NTSR1: variants seen among roughly 807,000 people sequenced by gnomAD.
The protein encoded by NTSR1 is neurotensin receptor type 1.
A neutral mutation model predicts 31.2 loss-of-function variants in NTSR1; 29 were observed. The observed-to-expected ratio is 0.93, with a 90% CI of 0.69 to 1.27. The LOEUF is 1.27. NTSR1 is among the 50% of genes most tolerant of loss of function. The probability of loss-of-function intolerance (pLI) is 0.00; values close to 1 mark genes in which losing one functional copy is unlikely to be tolerated. For missense variants in NTSR1, 697 were observed against 595.4 expected, an observed-to-expected ratio of 1.17 and a Z score of -1.78; for synonymous variants, 282 against 269.9, an observed-to-expected ratio of 1.04 and a Z score of -0.44.
chr20:62,720,661 C>A (rs1988814903), intron 1 of NTSR1, among the ~76,000 whole-genome samples: 1 of 151,484 alleles, frequency 6.6e-6, no homozygotes, highest in South Asian at 2.1e-4. Context: ...TTTCTTTCTT[C>A]ATTTCCTTTT....
intron 1 of NTSR1, among the ~76,000 whole-genome samples, chr20:62,736,047 C>T (rs924119172): frequency 2.4e-4 from 37 of 152,244 alleles, no homozygotes; most frequent in Admixed American, 2.2e-3. Context: ...TTTCATCCCT[C>T]GATAGAAATC....
chr20:62,717,871 G>A (rs1035155867), intron 1 of NTSR1, among the ~76,000 whole-genome samples: 7 of 152,156 alleles, frequency 4.6e-5, no homozygotes, highest in Non-Finnish European at 1.0e-4. Flanking sequence ...GAAAATAAGC[G>A]AAATAAATAG....
chr20:62,742,027 G>A lies in NTSR1; in HGVS notation c.715-12658G>A, dbSNP rs896929561. Reference sequence around the variant, plus strand: ...AGTATGTGTAGACCCCAGGACAGTCGATGTCAGCTAGAAAGTGAAGGTTAG... The same window carrying A: ...AGTATGTGTAGACCCCAGGACAGTCAATGTCAGCTAGAAAGTGAAGGTTAG... On this transcript the variant is annotated intron_variant, in intron 1 of 3. Transcript: ENST00000370501. The surrounding 1 kb of genome is among the most constrained non-coding windows in gnomAD (Gnocchi z 7.1). 6.0e-5 allele frequency among the ~76,000 whole-genome samples: 9 copies of A among 149,514 alleles called. No homozygotes were observed. Among genetic ancestry groups the A allele is most frequent in the African/African-American group, 2.0e-4 (8 of 40,046 alleles).
In NTSR1 at chr20:62,742,517, G is replaced by A. The variant is rs1406029579; in HGVS notation, c.715-12168G>A. ...GAAAGAGACTGGGGACTGAGGGACA[G>A]CACAGTATCCCAAGCTGGCCACTAC... On this transcript the variant is annotated intron_variant, in intron 1 of 3. Coordinates refer to ENST00000370501, the MANE Select transcript of NTSR1 (RefSeq NM_002531.3). The surrounding 1 kb of genome is among the most constrained non-coding windows in gnomAD (Gnocchi z 7.1). Among the ~76,000 whole-genome samples the A allele has an allele frequency of 1.3e-5, 2 of 149,546 alleles. No homozygotes were observed. The highest frequency in any genetic ancestry group is 2.9e-5 in the Non-Finnish European group (2 of 68,032).
Position 62,760,286 on chromosome 20 carries a change from T to C in NTSR1, c.*19T>C, listed in dbSNP as rs1327127536. On this transcript the variant is annotated 3_prime_UTR_variant, in exon 4 of 4. Transcript: ENST00000370501. ...GTACTAGGCTGTGCGCCCCGGAACG[T>C]GTCCAGGAGGAGCCTGGCCATGGGT... The C allele has an allele frequency of 1.9e-6, 3 of 1,587,718 alleles. No individual in the cohort carries two copies. The highest frequency in any genetic ancestry group is 2.6e-6 in the Non-Finnish European group (3 of 1,165,024).
At chr20:62,739,949 TG>T (rs1989173029) in intron 1 of NTSR1, among the ~76,000 whole-genome samples, 1 of 152,232 alleles carries the variant, frequency 6.6e-6, no homozygotes, top group Non-Finnish European at 1.5e-5. Context: ...TAAGTCGTGC[TG>T]GGACTGCTGG....
intron 1 of NTSR1, among the ~76,000 whole-genome samples, chr20:62,737,251 CGTACTGCTATGGCTGT>C (rs929954511): frequency 6.9e-4 from 105 of 152,328 alleles, no homozygotes; most frequent in African/African-American, 2.4e-3. Context: ...TGCTCATGTA[CGTACTGCTATGGCTGT>C]GTTGGCCACA....
chr20:62,722,761 A>G (rs1988844564), intron 1 of NTSR1, among the ~76,000 whole-genome samples: 1 of 152,232 alleles, frequency 6.6e-6, no homozygotes, highest in Non-Finnish European at 1.5e-5. Flanking sequence ...CAGGGTCTGA[A>G]AACAACTGCC....
Position 62,744,421 on chromosome 20 carries a change from G to A in NTSR1, c.715-10264G>A, listed in dbSNP as rs759452560. Among the ~76,000 whole-genome samples the A allele has an allele frequency of 9.9e-5, 15 of 152,130 alleles. No homozygotes were observed. Among genetic ancestry groups the A allele is most frequent in the African/African-American group, 2.9e-4 (12 of 41,422 alleles). ...TACAAAAAAATTAGCCAGGCATGGCGGCGTGCACCTGTAGTCCCAGCTACT... is the reference window on the plus strand; with the variant it reads ...TACAAAAAAATTAGCCAGGCATGGCAGCGTGCACCTGTAGTCCCAGCTACT... On this transcript the variant is annotated intron_variant, in intron 1 of 3. Coordinates refer to ENST00000370501, the MANE Select transcript of NTSR1 (RefSeq NM_002531.3). This position sits in a 1 kb window ranked among gnomAD's most constrained non-coding sequence, Gnocchi z 4.1.
chr20:62,714,762 C>T lies in NTSR1; in HGVS notation c.714+4841C>T, dbSNP rs1988681427. 6.6e-6 allele frequency among the ~76,000 whole-genome samples: 1 copy of T among 152,196 alleles called. No individual in the cohort carries two copies. The highest frequency in any genetic ancestry group is 2.1e-4 in the South Asian group (1 of 4,828). On this transcript the variant is annotated intron_variant, in intron 1 of 3. Transcript: ENST00000370501. This position sits in a 1 kb window ranked among gnomAD's most constrained non-coding sequence, Gnocchi z 4.1. ...TCTGTTCTACAAACAGTGAGGGAATCGGAGACGGTGGCCTGGTTTCTTAGC... is the reference window on the plus strand; with the variant it reads ...TCTGTTCTACAAACAGTGAGGGAATTGGAGACGGTGGCCTGGTTTCTTAGC...
chr20:62,717,688 A>G (rs1040122010), intron 1 of NTSR1, among the ~76,000 whole-genome samples: 1 of 152,164 alleles, frequency 6.6e-6, no homozygotes, highest in African/African-American at 2.4e-5. Context: ...GAGCCTCCCC[A>G]GGCAGGAGGA....
In NTSR1 at chr20:62,747,464, C is replaced by T. The variant is rs547797352; in HGVS notation, c.715-7221C>T. 4.5e-4 allele frequency among the ~76,000 whole-genome samples: 58 copies of T among 129,564 alleles called. No homozygotes were observed. In the South Asian group the frequency reaches 0.014, roughly 32 times the overall value. 85.0% of individuals were successfully genotyped at this position (129,564 alleles called of 152,430 possible). On this transcript the variant is annotated intron_variant, in intron 1 of 3. Coordinates refer to ENST00000370501, the MANE Select transcript of NTSR1 (RefSeq NM_002531.3). ...GATGACAGACCCACAGCTAACACCA[C>T]ACTCAGTGTAAAGGCCACGTATGAC...
At chr20:62,723,230 C>T (rs3827145) in intron 1 of NTSR1, among the ~76,000 whole-genome samples, 17,919 of 152,194 alleles carry the variant, frequency 0.12, 1,445 homozygotes, top group Middle Eastern at 0.23. Flanking sequence ...TCAGAGAGTA[C>T]GGGAGCTGTT....
At chr20:62,712,985 C>T (rs1988646224) in intron 1 of NTSR1, among the ~76,000 whole-genome samples, 1 of 152,210 alleles carries the variant, frequency 6.6e-6, no homozygotes, top group Middle Eastern at 3.2e-3. Flanking sequence ...CAGGGGCCCA[C>T]AGTGGCAGGG....
chr20:62,716,767 G>A (rs566484319), intron 1 of NTSR1, among the ~76,000 whole-genome samples: 109 of 152,286 alleles, frequency 7.2e-4, no homozygotes, highest in Non-Finnish European at 1.1e-3. Flanking sequence ...CCCCCATCCC[G>A]GCAGCCCCTC....
chr20:62,730,677 G>A (rs941888350), intron 1 of NTSR1, among the ~76,000 whole-genome samples: 5 of 152,228 alleles, frequency 3.3e-5, no homozygotes, highest in Non-Finnish European at 7.3e-5. Context: ...CTTCCAGCAC[G>A]GCTGCGCCAT....
chr20:62,727,038 A>C (rs1056004619), intron 1 of NTSR1, among the ~76,000 whole-genome samples: 2 of 152,172 alleles, frequency 1.3e-5, no homozygotes, highest in South Asian at 2.1e-4. Context: ...GCACAGCTGG[A>C]GGAGAAGGGT....
At chr20:62,716,823 G>C (rs570754920) in intron 1 of NTSR1, among the ~76,000 whole-genome samples, 48 of 152,356 alleles carry the variant, frequency 3.2e-4, no homozygotes, top group African/African-American at 1.1e-3. Flanking sequence ...CTCTGCAAGG[G>C]GGGCACGGAG....
chr20:62,744,353 G>C lies in NTSR1; in HGVS notation c.715-10332G>C, dbSNP rs1989259209. ...GCGGGTCATGAGGTCAGGAGATCGAGACCATCCTGGCTAACATGGTGAAAC... is the reference window on the plus strand; with the variant it reads ...GCGGGTCATGAGGTCAGGAGATCGACACCATCCTGGCTAACATGGTGAAAC... On this transcript the variant is annotated intron_variant, in intron 1 of 3. Transcript: ENST00000370501. The surrounding 1 kb of genome is among the most constrained non-coding windows in gnomAD (Gnocchi z 4.1). Among the ~76,000 whole-genome samples, 1 of 152,120 alleles carries C rather than the reference G, an allele frequency of 6.6e-6. No homozygotes were observed. Among genetic ancestry groups the C allele is most frequent in the African/African-American group, 2.4e-5 (1 of 41,400 alleles).
Sources: allele counts gnomAD v4.1 joint callset (sites outside exome capture counted in the v4.1 genomes callset), GRCh38; gene constraint gnomAD v4.1.1; non-coding constraint Gnocchi (gnomAD v3.1); transcripts MANE v1.5; gene names NCBI Gene and HGNC (gene_info 2026-07-23, HGNC 2026-07-21).